The following EPB41L4A variants were observed in gnomAD, a reference collection of about 807,000 sequenced individuals.
The protein encoded by EPB41L4A is band 4.1-like protein 4A.
In EPB41L4A, 100 loss-of-function variants were observed where a neutral mutation model predicts 108.6. The ratio of observed to expected loss-of-function variants is 0.92; its 90% CI spans 0.78 to 1.09. The LOEUF is 1.09. EPB41L4A is among the 50% of genes least tolerant of loss of function. EPB41L4A has a pLI of 0.00. For missense variants in EPB41L4A, 1,030 were observed against 842.7 expected (o/e 1.22, Z -2.75); for synonymous variants, 319 against 289.0 (o/e 1.10, Z -1.05).
intron 6 of EPB41L4A, chr5:112,263,751 C>T (rs555712979): frequency 1.3e-5 from 2 of 152,322 alleles, no homozygotes; most frequent in Admixed American, 6.5e-5. Flanking sequence ...TCTGCTTCTA[C>T]ACTCACTGAA....
intron 17 of EPB41L4A, among the ~76,000 whole-genome samples, chr5:112,192,732 A>G (rs1351295026): frequency 6.6e-6 from 1 of 152,180 alleles, no homozygotes; most frequent in African/African-American, 2.4e-5. Flanking sequence ...CTAGTGTTTC[A>G]TTTTCAGTAG....
chr5:112,262,160 G>A (rs911596908), intron 7 of EPB41L4A, among the ~76,000 whole-genome samples: 7 of 152,112 alleles, frequency 4.6e-5, no homozygotes, highest in African/African-American at 1.7e-4. Flanking sequence ...CCCAAGTGCT[G>A]GGATTACTTA....
At chr5:112,384,126 G>C (rs1334148738) in intron 1 of EPB41L4A, among the ~76,000 whole-genome samples, 1 of 152,242 alleles carries the variant, frequency 6.6e-6, no homozygotes, top group South Asian at 2.1e-4. Context: ...GATAGCTAAA[G>C]GATACAAGGT....
rs1352572289 is a variant in EPB41L4A, at chr5:112,376,454, C to T, written c.99+42487G>A. 3.3e-5 allele frequency among the ~76,000 whole-genome samples: 5 copies of T among 152,328 alleles called. No individual in the cohort carries two copies. In the East Asian group the frequency reaches 7.7e-4, roughly 23 times the overall value. ...GTGGGACCGTAAAATGGTATCGCCA[C>T]TTTGGAAAACAGTTTGGCGGTTTCT... On this transcript the variant is annotated intron_variant, in intron 1 of 22. Transcript: ENST00000261486.
chr5:112,313,390 G>C (rs1457533470), intron 1 of EPB41L4A, among the ~76,000 whole-genome samples: 1 of 152,154 alleles, frequency 6.6e-6, no homozygotes, highest in Non-Finnish European at 1.5e-5. Context: ...AGGAGATTGA[G>C]ACCATCCTGG....
At chr5:112,379,592 A>G (rs972003107) in intron 1 of EPB41L4A, among the ~76,000 whole-genome samples, 13 of 152,348 alleles carry the variant, frequency 8.5e-5, no homozygotes, top group African/African-American at 3.1e-4. Context: ...AAATGCTTAC[A>G]TGCCTAATCC....
chr5:112,297,477 T>C (rs1754071587), intron 2 of EPB41L4A, among the ~76,000 whole-genome samples: 1 of 152,112 alleles, frequency 6.6e-6, no homozygotes, highest in Admixed American at 6.6e-5. Flanking sequence ...GTCTACTTTT[T>C]GATGGGATTG....
chr5:112,416,556 C>A (rs1403353789), intron 1 of EPB41L4A, among the ~76,000 whole-genome samples: 2 of 152,090 alleles, frequency 1.3e-5, no homozygotes, highest in Non-Finnish European at 2.9e-5. Flanking sequence ...ATGTTGCCTG[C>A]TTAATTTTGA....
chr5:112,361,791 G>A (rs1357365809), intron 1 of EPB41L4A, among the ~76,000 whole-genome samples: 1 of 152,048 alleles, frequency 6.6e-6, no homozygotes, highest in Admixed American at 6.5e-5. Flanking sequence ...GGAGGCTGAG[G>A]CAGGAGGATC....
chr5:112,248,384 C>T (rs1406025500), intron 9 of EPB41L4A, among the ~76,000 whole-genome samples: 1 of 152,198 alleles, frequency 6.6e-6, no homozygotes, highest in Non-Finnish European at 1.5e-5. Context: ...CAATCTCCTA[C>T]TAAAATACTT....
At chr5:112,153,297 G>A (rs749443672) in intron 12 of EPB41L4A, among the ~76,000 whole-genome samples, 3 of 152,020 alleles carry the variant, frequency 2.0e-5, no homozygotes, top group South Asian at 2.1e-4. Context: ...AGGCCAAGGC[G>A]GGCGGATCAC....
chr5:112,151,958 C>G (rs1004942824), intron 12 of EPB41L4A, among the ~76,000 whole-genome samples: 8 of 152,134 alleles, frequency 5.3e-5, no homozygotes, highest in Non-Finnish European at 1.0e-4. Flanking sequence ...TCTTGAATTC[C>G]TGACCTCAAG....
chr5:112,185,717 G>A (rs1282324143), intron 17 of EPB41L4A, among the ~76,000 whole-genome samples: 5 of 152,116 alleles, frequency 3.3e-5, no homozygotes, highest in Non-Finnish European at 5.9e-5. Flanking sequence ...AACATATACT[G>A]CTATGGACCT....
downstream of EPB41L4A, among the ~76,000 whole-genome samples, chr5:112,158,886 C>T (rs1759742749): frequency 6.6e-6 from 1 of 152,168 alleles, no homozygotes; most frequent in Non-Finnish European, 1.5e-5. Flanking sequence ...CAAAACATGT[C>T]ACTGACTTTC....
At chr5:112,419,534 C>G (rs567441659), upstream of EPB41L4A, 5 of 421,244 alleles carry the variant, frequency 1.2e-5, no homozygotes, top group East Asian at 1.4e-4. Flanking sequence ...CCTGCGGAGT[C>G]CCCCGCGGGC....
At chr5:112,418,829 C>A in intron 1 of EPB41L4A, 112 bp downstream of exon 1, 1 of 745,386 alleles carries the variant, frequency 1.3e-6, no homozygotes, top group South Asian at 1.7e-5. Context: ...TCCTCCCCAC[C>A]GCGCAGAGTC....
intron 1 of EPB41L4A, 88 bp downstream of exon 1, chr5:112,418,853 T>A (rs939398973): frequency 1.9e-6 from 2 of 1,040,448 alleles, no homozygotes; most frequent in African/African-American, 3.2e-5. Flanking sequence ...GCCGCCGCCC[T>A]CGACCCACCG....
chr5:112,207,431 G>C (rs1762525739), intron 13 of EPB41L4A, among the ~76,000 whole-genome samples: 1 of 152,212 alleles, frequency 6.6e-6, no homozygotes, highest in African/African-American at 2.4e-5. Flanking sequence ...ATTGACAAGT[G>C]AGACTTTAAA....
intron 4 of EPB41L4A, among the ~76,000 whole-genome samples, chr5:112,270,439 G>C (rs2150475359): frequency 6.6e-6 from 1 of 152,110 alleles, no homozygotes; most frequent in African/African-American, 2.4e-5. Context: ...GAGAGTCAAA[G>C]GGAAACATTT....
Sources: gnomAD v4.1 joint callset for allele counts (sites outside exome capture counted in the v4.1 genomes callset) on GRCh38, gnomAD v4.1.1 for gene constraint, MANE v1.5 for transcripts, NCBI Gene and HGNC (gene_info 2026-07-23, HGNC 2026-07-21) for gene names.